Variants in ELP3 observed in about 807,000 individuals in gnomAD.
ELP3 encodes elongator acetyltransferase complex subunit 3.
A neutral mutation model predicts 74.9 loss-of-function variants in ELP3; 56 were observed. The observed-to-expected ratio is 0.75, with a 90% CI of 0.60 to 0.93. The LOEUF is 0.93. ELP3 is among the 40% of genes least tolerant of loss of function. ELP3 has a pLI of 0.00. For synonymous variants in ELP3, 222 were observed against 239.8 expected, an observed-to-expected ratio of 0.93 and a Z score of 0.68; for missense variants, 573 against 686.5, an observed-to-expected ratio of 0.83 and a Z score of 1.85.
At chr8:28,124,920 C>T (rs562116794) in intron 7 of ELP3, among the ~76,000 whole-genome samples, 5 of 152,166 alleles carry the variant, frequency 3.3e-5, no homozygotes, top group Non-Finnish European at 4.4e-5. Context: ...ATGATATAAC[C>T]ACCAATATCG....
At chr8:28,183,532 T>C (rs1815105288) in intron 14 of ELP3, among the ~76,000 whole-genome samples, 2 of 152,152 alleles carry the variant, frequency 1.3e-5, no homozygotes, top group Admixed American at 1.3e-4. Context: ...CAAGCAATTC[T>C]CACCCCTCAG....
intron 10 of ELP3, among the ~76,000 whole-genome samples, chr8:28,144,279 T>C (rs1336592286): frequency 2.6e-5 from 4 of 152,212 alleles, no homozygotes; most frequent in Non-Finnish European, 5.9e-5. Flanking sequence ...ATCTGATAGC[T>C]GTTTTCTAGT....
At chr8:28,090,903 CCTTT>C (rs1375182132), upstream of ELP3, among the ~76,000 whole-genome samples, 5 of 53,142 alleles carry the variant, frequency 9.4e-5, no homozygotes, top group Admixed American at 5.8e-4. Flanking sequence ...GTAAATGTTT[CCTTT>C]TTTTTTTTTT....
intron 10 of ELP3, among the ~76,000 whole-genome samples, chr8:28,143,334 T>C (rs764630354): frequency 4.6e-5 from 7 of 152,244 alleles, no homozygotes; most frequent in Non-Finnish European, 5.9e-5. Context: ...CCAGAACTTA[T>C]GTTTCTTCCT....
intron 9 of ELP3, among the ~76,000 whole-genome samples, chr8:28,134,465 A>G (rs1812904269): frequency 6.6e-6 from 1 of 152,244 alleles, no homozygotes; most frequent in Non-Finnish European, 1.5e-5. Flanking sequence ...GTAAAGAGTA[A>G]CAGAAGGGAG....
intron 14 of ELP3, among the ~76,000 whole-genome samples, chr8:28,181,177 T>C (rs968460778): frequency 1.3e-5 from 2 of 152,250 alleles, no homozygotes; most frequent in African/African-American, 4.8e-5. Context: ...AATATTTTCA[T>C]TGTCTTTGGC....
At chr8:28,154,247 TG>T (rs1813745529) in intron 10 of ELP3, among the ~76,000 whole-genome samples, 1 of 152,232 alleles carries the variant, frequency 6.6e-6, no homozygotes, top group South Asian at 2.1e-4. Context: ...GGTTATGCAT[TG>T]ATCAGTTGAA....
rs529539978 is a variant in ELP3 at position 28,093,150 on chromosome 8, T to C, written c.-65T>C. 1 of 1,598,284 alleles carries C rather than the reference T, an allele frequency of 6.3e-7. No homozygotes were observed. Among genetic ancestry groups the C allele is most frequent in the Non-Finnish European group, 8.5e-7 (1 of 1,174,186 alleles). ...CGGGATTGTTTTGTGGCTGTCAGCT[T>C]TCCCCGTGGTCTGAGTTTGTGGCTG... On this transcript the variant is annotated 5_prime_UTR_variant, in exon 1 of 15. Coordinates refer to ENST00000256398, the MANE Select transcript of ELP3 (RefSeq NM_018091.6).
chr8:28,174,430 G>T (rs994346597), intron 14 of ELP3, among the ~76,000 whole-genome samples: 1 of 151,950 alleles, frequency 6.6e-6, no homozygotes, highest in Non-Finnish European at 1.5e-5. Context: ...TTGGTTATTA[G>T]TTGTTTTCTT....
chr8:28,151,259 C>T (rs762000830), intron 10 of ELP3, among the ~76,000 whole-genome samples: 5 of 151,934 alleles, frequency 3.3e-5, no homozygotes, highest in South Asian at 4.2e-4. Flanking sequence ...ATTTCTGTTT[C>T]GGTGATTTTT....
At chr8:28,133,076 C>A (rs917783406) in intron 9 of ELP3, among the ~76,000 whole-genome samples, 1 of 151,942 alleles carries the variant, frequency 6.6e-6, no homozygotes, top group African/African-American at 2.4e-5. Flanking sequence ...TAATTCTCTC[C>A]TGTTTATTTT....
At chr8:28,177,520 T>A (rs6982543) in intron 14 of ELP3, among the ~76,000 whole-genome samples, 3,808 of 152,352 alleles carry the variant, frequency 0.025, 178 homozygotes, top group African/African-American at 0.087. Flanking sequence ...ACAGTTTAAT[T>A]TGTTTTTATT....
intron 14 of ELP3, among the ~76,000 whole-genome samples, chr8:28,180,901 C>T (rs1427176887): frequency 6.6e-6 from 1 of 152,150 alleles, no homozygotes; most frequent in African/African-American, 2.4e-5. Context: ...CTTGAGCCTC[C>T]TCAAGGTACG....
At chr8:28,091,517 T>C (rs527923421), upstream of ELP3, among the ~76,000 whole-genome samples, 7 of 152,268 alleles carry the variant, frequency 4.6e-5, no homozygotes, top group African/African-American at 1.7e-4. Flanking sequence ...GCAAGGCCAG[T>C]TTCAGTGTCA....
At position 28,168,594 on chromosome 8, in the gene ELP3, C is replaced by T. The variant is rs375827532; in HGVS notation, c.1567+6516C>T. Among the ~76,000 whole-genome samples the T allele has an allele frequency of 7.9e-5, 12 of 152,304 alleles. 1 individual carries two copies. Among genetic ancestry groups the T allele is most frequent in the African/African-American group, 2.6e-4 (11 of 41,574 alleles). On this transcript the variant is annotated intron_variant, in intron 14 of 14. Coordinates refer to ENST00000256398, the MANE Select transcript of ELP3 (RefSeq NM_018091.6). ...GGTCTGGAAGCTTTGAGATGAATGACTACCTTTATTTAAAATTAGACACTT... is the reference window on the plus strand; with the variant it reads ...GGTCTGGAAGCTTTGAGATGAATGATTACCTTTATTTAAAATTAGACACTT...
At chr8:28,187,567 C>G (rs960989542) in intron 14 of ELP3, among the ~76,000 whole-genome samples, 3 of 152,176 alleles carry the variant, frequency 2.0e-5, no homozygotes, top group African/African-American at 7.2e-5. Context: ...GTTGAGTGCA[C>G]GCCCGTCTCA....
At chr8:28,164,784 C>G (rs1431297633) in intron 14 of ELP3, among the ~76,000 whole-genome samples, 5 of 152,072 alleles carry the variant, frequency 3.3e-5, no homozygotes, top group Admixed American at 2.6e-4. Context: ...TTAAGAACTT[C>G]AAGGAGGGCA....
chr8:28,181,002 G>A (rs574341439), intron 14 of ELP3, among the ~76,000 whole-genome samples: 16 of 152,180 alleles, frequency 1.1e-4, no homozygotes, highest in African/African-American at 3.4e-4. Flanking sequence ...TCTGGTGGCC[G>A]CAAGACACTG....
chr8:28,128,310 C>G (rs999075363), intron 7 of ELP3, among the ~76,000 whole-genome samples: 5 of 152,164 alleles, frequency 3.3e-5, no homozygotes, highest in Non-Finnish European at 5.9e-5. Flanking sequence ...CCCGTCTCTA[C>G]TAAAAATACA....
Sources: allele counts gnomAD v4.1 joint callset (sites outside exome capture counted in the v4.1 genomes callset), GRCh38; gene constraint gnomAD v4.1.1; transcripts MANE v1.5; gene names NCBI Gene and HGNC (gene_info 2026-07-23, HGNC 2026-07-21).